The following ZFHX3 variants were observed in gnomAD, a reference collection of about 807,000 sequenced individuals.
ZFHX3 encodes zinc finger homeobox protein 3.
In ZFHX3, 42 loss-of-function variants were observed where a neutral mutation model predicts 279.1. The observed-to-expected ratio is 0.15, with a 90% CI of 0.12 to 0.19. The LOEUF is 0.19. Among genes scored for constraint, ZFHX3 ranks in the 10% least tolerant of loss-of-function variants. The pLI, the probability that ZFHX3 is intolerant of heterozygous loss-of-function variation, is 1.00. For missense variants in ZFHX3, 4,981 were observed against 4,754.0 expected (o/e 1.05, Z -1.40); for synonymous variants, 2,293 against 1,957.8 (o/e 1.17, Z -4.52).
intron 5 of ZFHX3, among the ~76,000 whole-genome samples, chr16:73,148,257 A>T (rs2144842633): frequency 6.6e-6 from 1 of 152,154 alleles, no homozygotes. Context: ...GCCAGCCCTG[A>T]CCTACAACAA....
chr16:73,604,901 T>C (rs780711965), intron 2 of ZFHX3, among the ~76,000 whole-genome samples: 1 of 152,172 alleles, frequency 6.6e-6, no homozygotes, highest in Non-Finnish European at 1.5e-5. Flanking sequence ...TGGGGTAGAC[T>C]GAGGCAGAAG....
intron 3 of ZFHX3, among the ~76,000 whole-genome samples, chr16:72,931,551 G>A (rs1326236842): frequency 6.7e-6 from 1 of 148,256 alleles, no homozygotes; most frequent in African/African-American, 2.5e-5. Flanking sequence ...CAGGGAAGAG[G>A]AGGGATGCAC....
intron 2 of ZFHX3, among the ~76,000 whole-genome samples, chr16:73,648,502 G>C (rs2052641374): frequency 6.6e-6 from 1 of 152,180 alleles, no homozygotes; most frequent in South Asian, 2.1e-4. Context: ...TGATTCTCCT[G>C]CTTCAGCCTC....
chr16:73,332,323 C>G (rs368715670), intron 3 of ZFHX3, among the ~76,000 whole-genome samples: 66 of 152,250 alleles, frequency 4.3e-4, no homozygotes, highest in African/African-American at 1.4e-3. Context: ...AAGAAAAGAA[C>G]CTAACCTGTG....
intron 3 of ZFHX3, among the ~76,000 whole-genome samples, chr16:73,391,026 A>G (rs1369021498): frequency 6.6e-6 from 1 of 151,814 alleles, no homozygotes; most frequent in Non-Finnish European, 1.5e-5. Flanking sequence ...AGAAACTGCC[A>G]TGAGGGACAG....
chr16:73,764,553 A>G (rs2043898228), intron 1 of ZFHX3, among the ~76,000 whole-genome samples: 2 of 152,194 alleles, frequency 1.3e-5, no homozygotes, highest in Non-Finnish European at 2.9e-5. Flanking sequence ...ATTAAAGCTC[A>G]TGCTTCACGC....
rs1300953654 is a variant in ZFHX3, at chr16:73,298,329, T to C, written c.-1194+19911A>G. ...CCTCCCGAGTAGCTGGGATTACAGG[T>C]ATGTGCCACCATGCCCGGCTAATTT... On this transcript the variant is annotated intron_variant, in intron 4 of 17. Transcript: ENST00000641206. Among the ~76,000 whole-genome samples the C allele has an allele frequency of 5.3e-5, 8 of 151,346 alleles. 1 individual carries two copies. Among genetic ancestry groups the C allele is most frequent in the East Asian group, 3.9e-4 (2 of 5,148 alleles).
intron 1 of ZFHX3, among the ~76,000 whole-genome samples, chr16:73,786,318 T>C (rs1156695908): frequency 1.3e-5 from 2 of 152,188 alleles, no homozygotes; most frequent in African/African-American, 4.8e-5. Flanking sequence ...TTTTCTCTTT[T>C]CTTCCCCCTG....
chr16:73,814,721 C>A (rs370533761), intron 1 of ZFHX3, among the ~76,000 whole-genome samples: 9 of 152,060 alleles, frequency 5.9e-5, no homozygotes, highest in South Asian at 2.1e-4. Context: ...GCACCCACCA[C>A]CATGCCTGGC....
At chr16:73,236,081 C>A (rs1434913207) in intron 5 of ZFHX3, among the ~76,000 whole-genome samples, 1 of 152,144 alleles carries the variant, frequency 6.6e-6, no homozygotes. Flanking sequence ...TCTAAAGTTC[C>A]TAGAACAGGT....
At position 72,788,631 on chromosome 16, in the gene ZFHX3, T is replaced by A; in HGVS notation, c.9645A>T (p.Ala3215=). 1 of 1,613,362 alleles carries A rather than the reference T, an allele frequency of 6.2e-7. No homozygotes were observed. Among genetic ancestry groups the A allele is most frequent in the Non-Finnish European group, 8.5e-7 (1 of 1,179,698 alleles). The change falls in exon 10 of 10, where the codon GCA becomes GCT. Residue 3215 remains alanine (A), a synonymous_variant. Transcript: ENST00000268489. ...GCTGTGGTGTGGGTGGCGGCTGGGCTGCTGGCGGCGGGGGAGGCTGCTGCA... is the reference window on the plus strand; with the variant it reads ...GCTGTGGTGTGGGTGGCGGCTGGGCAGCTGGCGGCGGGGGAGGCTGCTGCA... ...PQVQQPPPPP[A]AQPPPTPQLP... is the part of the protein sequence containing the mutation.
intron 5 of ZFHX3, among the ~76,000 whole-genome samples, chr16:73,151,783 A>G (rs1966947215): frequency 6.6e-6 from 1 of 152,082 alleles, no homozygotes; most frequent in South Asian, 2.1e-4. Context: ...TTCAGGAAGA[A>G]TTCACGTGAT....
At chr16:73,871,256 G>A (rs1962155493) in intron 1 of ZFHX3, among the ~76,000 whole-genome samples, 1 of 152,146 alleles carries the variant, frequency 6.6e-6, no homozygotes, top group Non-Finnish European at 1.5e-5. Context: ...CACCAGGAAT[G>A]AGCAGGCTAT....
rs570939237 is a variant in ZFHX3, at chr16:73,434,467, A to G, written c.-1291+21536T>C. ...CAGTTATCTGCTTCATTTAAAAACA[A>G]TCTGCATCTGCTTGAATAACTGAGG... On this transcript the variant is annotated intron_variant, in intron 3 of 17. Coordinates refer to the ZFHX3 transcript ENST00000641206. Among the ~76,000 whole-genome samples, 101 of 152,316 alleles carry G rather than the reference A, an allele frequency of 6.6e-4. No individual in the cohort carries two copies. The South Asian group carries it at 0.01, about 16-fold the overall frequency.
intron 4 of ZFHX3, among the ~76,000 whole-genome samples, chr16:72,860,525 G>C (rs1487295773): frequency 6.6e-6 from 1 of 152,126 alleles, no homozygotes; most frequent in Non-Finnish European, 1.5e-5. Context: ...CTCCCTCCTG[G>C]GTTCAAGTGA....
At chr16:73,654,317 A>G (rs2052701298) in intron 2 of ZFHX3, among the ~76,000 whole-genome samples, 1 of 152,216 alleles carries the variant, frequency 6.6e-6, no homozygotes, top group Admixed American at 6.5e-5. Flanking sequence ...GAAAAATTGA[A>G]ATGATACTCA....
At chr16:73,294,849 A>C (rs985445979) in intron 4 of ZFHX3, among the ~76,000 whole-genome samples, 8 of 151,232 alleles carry the variant, frequency 5.3e-5, no homozygotes, top group Non-Finnish European at 1.0e-4. Flanking sequence ...AGAAGAGCTC[A>C]TATTGGCCAT....
chr16:73,580,052 G>C (rs185903795), intron 2 of ZFHX3, among the ~76,000 whole-genome samples: 1 of 149,940 alleles, frequency 6.7e-6, no homozygotes, highest in African/African-American at 2.5e-5. Context: ...AAATTTACCT[G>C]TTATAAATAT....
At chr16:73,547,853 A>G (rs981228161) in intron 2 of ZFHX3, among the ~76,000 whole-genome samples, 1 of 152,184 alleles carries the variant, frequency 6.6e-6, no homozygotes, top group Non-Finnish European at 1.5e-5. Context: ...TGCAGGGAAA[A>G]TATGGTTTTC....
Sources: allele counts gnomAD v4.1 joint callset (sites outside exome capture counted in the v4.1 genomes callset), GRCh38; gene constraint gnomAD v4.1.1; transcripts MANE v1.5; gene names NCBI Gene and HGNC (gene_info 2026-07-23, HGNC 2026-07-21).